The following KRABD5 variants were observed in gnomAD, a reference collection of about 807,000 sequenced individuals.
KRABD5 encodes the protein KRAB domain-containing protein 5.
At chr16:31,721,872 A>G in the KRABD5 span, among the ~76,000 whole-genome samples, 1 of 152,204 alleles carries the variant, frequency 6.6e-6, no homozygotes, top group Admixed American at 6.5e-5. Context: ...CCCCAGCCCC[A>G]GCCCCAGATC....
At chr16:31,757,103 T>C in the KRABD5 span, 1 of 152,244 alleles carries the variant, frequency 6.6e-6, no homozygotes, top group Non-Finnish European at 1.5e-5. Flanking sequence ...AATTATATAA[T>C]TTTCTTATTT....
chr16:31,751,846 G>A, the KRABD5 span, among the ~76,000 whole-genome samples: 3 of 152,136 alleles, frequency 2.0e-5, no homozygotes, highest in African/African-American at 7.2e-5. Context: ...CTTTACAAGT[G>A]ATGTTATATC....
chr16:31,761,442 G>C, the KRABD5 span: 4 of 151,998 alleles, frequency 2.6e-5, no homozygotes, highest in African/African-American at 7.2e-5. Context: ...TAATTTAGTG[G>C]TGAACCTATA....
chr16:31,727,549 A>AT, the KRABD5 span, among the ~76,000 whole-genome samples: 1,010 of 152,282 alleles, frequency 6.6e-3, 9 homozygotes, highest in African/African-American at 0.023. Context: ...TTTCCCTTCA[A>AT]TTTTTTGGAA....
the KRABD5 span, chr16:31,733,546 C>G: frequency 2.2e-6 from 1 of 456,226 alleles, no homozygotes; most frequent in South Asian, 1.5e-5. Flanking sequence ...AACAAATTGT[C>G]CTTTCCACAC....
the KRABD5 span, chr16:31,754,093 A>C: frequency 2.7e-6 from 2 of 732,842 alleles, no homozygotes; most frequent in Non-Finnish European, 4.8e-6. Context: ...TTTTCTTTTA[A>C]AGGAAATTTG....
the KRABD5 span, among the ~76,000 whole-genome samples, chr16:31,744,947 G>A: frequency 1.3e-5 from 2 of 152,034 alleles, no homozygotes; most frequent in Non-Finnish European, 2.9e-5. Flanking sequence ...GGTAGTTTGT[G>A]TTTCTGTGAG....
At chr16:31,723,381 C>G in the KRABD5 span, 1 of 1,598,152 alleles carries the variant, frequency 6.3e-7, no homozygotes, top group Non-Finnish European at 8.5e-7. Flanking sequence ...AAGTAGATGA[C>G]ATGGGCGAGA....
chr16:31,760,871 C>T, the KRABD5 span: 1 of 152,174 alleles, frequency 6.6e-6, no homozygotes, highest in South Asian at 2.1e-4. Context: ...AGCCCTCAGT[C>T]ACTTTCTCAA....
chr16:31,748,769 G>T, the KRABD5 span, among the ~76,000 whole-genome samples: 1 of 152,112 alleles, frequency 6.6e-6, no homozygotes, highest in East Asian at 1.9e-4. Flanking sequence ...CTTGGATGGG[G>T]TTTTTGTGGG....
chr16:31,741,758 C>A, the KRABD5 span, among the ~76,000 whole-genome samples: 2,316 of 152,036 alleles, frequency 0.015, 68 homozygotes, highest in African/African-American at 0.053. Context: ...GTTATTGATT[C>A]TTTTCACAGT....
chr16:31,722,728 A>C, the KRABD5 span: 1 of 1,609,024 alleles, frequency 6.2e-7, no homozygotes. Flanking sequence ...GATGTTAGAG[A>C]ACTACGGAAA....
the KRABD5 span, among the ~76,000 whole-genome samples, chr16:31,740,403 C>G: frequency 1.3e-5 from 2 of 152,114 alleles, no homozygotes; most frequent in Non-Finnish European, 2.9e-5. Context: ...CAGCTCCATA[C>G]TTTGTGTTTT....
At chr16:31,751,932 C>G in the KRABD5 span, among the ~76,000 whole-genome samples, 1 of 151,952 alleles carries the variant, frequency 6.6e-6, no homozygotes, top group East Asian at 1.9e-4. Context: ...TAGCTGTGTC[C>G]CAAAGATTTT....
At chr16:31,757,598 T>A in the KRABD5 span, 1 of 152,226 alleles carries the variant, frequency 6.6e-6, no homozygotes, top group Non-Finnish European at 1.5e-5. Context: ...ACAAATGCTG[T>A]ATTCTACTGA....
chr16:31,752,237 G>C, the KRABD5 span, among the ~76,000 whole-genome samples: 1 of 152,288 alleles, frequency 6.6e-6, no homozygotes, highest in African/African-American at 2.4e-5. Flanking sequence ...TTCTGTGGTT[G>C]ATGGGTGGAA....
chr16:31,722,816 T>G, the KRABD5 span: 1 of 1,475,570 alleles, frequency 6.8e-7, no homozygotes, highest in Non-Finnish European at 9.0e-7. Context: ...TTCTTTCCTT[T>G]GTAGAATGTC....
At chr16:31,757,842 GTAGGTAGGTAGATAGA>G in the KRABD5 span, 111 of 136,812 alleles carry the variant, frequency 8.1e-4, no homozygotes, top group African/African-American at 1.0e-3. Flanking sequence ...AGGTAGGTAG[GTAGGTAGGTAGATAGA>G]TAGATAGATA....
chr16:31,721,426 T>C, the KRABD5 span, among the ~76,000 whole-genome samples: 2 of 151,764 alleles, frequency 1.3e-5, no homozygotes, highest in African/African-American at 4.8e-5. Flanking sequence ...CCCTTTAAAA[T>C]GAATTCTAAG....
Sources: allele counts gnomAD v4.1 joint callset (sites outside exome capture counted in the v4.1 genomes callset), GRCh38; gene constraint gnomAD v4.1.1; transcripts MANE v1.5; gene names NCBI Gene and HGNC (gene_info 2026-07-23, HGNC 2026-07-21).